The following TRPM2 variants were observed in gnomAD, a reference collection of about 807,000 sequenced individuals.
The protein encoded by TRPM2 is estrogen-responsive element-associated gene 1 protein.
TRPM2 carries 161 observed loss-of-function variants against 174.0 expected under a neutral mutation model. The ratio of observed to expected loss-of-function variants is 0.93; its 90% CI spans 0.81 to 1.05. The LOEUF is 1.05. Ranked by LOEUF, TRPM2 falls within the 50% of genes least tolerant of loss-of-function variation. The pLI is 0.00. For missense variants in TRPM2, 2,057 were observed against 2,038.0 expected (o/e 1.01, Z -0.18); for synonymous variants, 954 against 861.3 (o/e 1.11, Z -1.88).
Position 44,432,427 on chromosome 21 carries a change from C to T in TRPM2, c.3975-2704C>T, listed in dbSNP as rs577305474. Among the ~76,000 whole-genome samples the T allele has an allele frequency of 6.6e-6, 1 of 152,274 alleles. No homozygotes were observed. The highest frequency in any genetic ancestry group is 1.9e-4 in the East Asian group (1 of 5,196). On this transcript the variant is annotated intron_variant, in intron 27 of 31. Coordinates refer to ENST00000397928, the MANE Select transcript of TRPM2 (RefSeq NM_003307.4). The surrounding 1 kb of genome is among the most constrained non-coding windows in gnomAD (Gnocchi z 4.9). ...TAGGGCCAACCCTATTCCAGTGTAG[C>T]TTCATCTTAACTAATTACACCTGCA...
In TRPM2 at chr21:44,430,570, C is replaced by T. The variant is rs1455143949; in HGVS notation, c.3974+3459C>T. ...TCAGCCTCCCGAGTAGCTGGGACTA[C>T]AGGCGCCCGCCACCGCGCCCGGCTA... On this transcript the variant is annotated intron_variant, in intron 27 of 31. Transcript: ENST00000397928. 4.3e-4 allele frequency among the ~76,000 whole-genome samples: 22 copies of T among 51,160 alleles called. 10 individuals carry two copies. The highest frequency in any genetic ancestry group is 5.9e-4 in the Non-Finnish European group (15 of 25,346). 33.6% of individuals were successfully genotyped at this position (51,160 alleles called of 152,430 possible).
chr21:44,392,021 G>A (rs2049192905), intron 11 of TRPM2, among the ~76,000 whole-genome samples: 1 of 152,104 alleles, frequency 6.6e-6, no homozygotes, highest in South Asian at 2.1e-4. Context: ...CTGGAGTGCA[G>A]TGGCGTGATC....
At chr21:44,353,029 G>A (rs186374722), upstream of TRPM2, among the ~76,000 whole-genome samples, 3 of 152,274 alleles carry the variant, frequency 2.0e-5, no homozygotes, top group Non-Finnish European at 4.4e-5. Context: ...GGTGATTGGC[G>A]CCCATAATCC....
intron 8 of TRPM2, among the ~76,000 whole-genome samples, chr21:44,380,396 T>C (rs45536135): frequency 0.033 from 5,024 of 152,264 alleles, 247 homozygotes; most frequent in African/African-American, 0.1. Flanking sequence ...CCCGGTGCCA[T>C]TGGGACTTGT....
chr21:44,395,283 G>A, intron 11 of TRPM2, 131 bp from the exon 12 acceptor site: 1 of 1,127,630 alleles, frequency 8.9e-7, no homozygotes, highest in South Asian at 1.6e-5. Context: ...AATGCAGGTT[G>A]TAGTTCTCCA....
rs1444531855 is a variant in TRPM2, at chr21:44,366,366, G to T, written c.424-388G>T. On this transcript the variant is annotated intron_variant, in intron 3 of 31. Transcript: ENST00000397928. This position sits in a 1 kb window ranked among gnomAD's most constrained non-coding sequence, Gnocchi z 6.0. The stretch of plus-strand genomic sequence containing the variant: ...AGGACAGAAGGGCAGAGACCCCGGT[G>T]CAGGAGCTGATTAGACCCGGGGGAG... Among the ~76,000 whole-genome samples the T allele has an allele frequency of 6.6e-6, 1 of 152,056 alleles. No homozygotes were observed. Among genetic ancestry groups the T allele is most frequent in the Non-Finnish European group, 1.5e-5 (1 of 68,020 alleles).
At chr21:44,434,654 C>T (rs2051165427) in intron 27 of TRPM2, among the ~76,000 whole-genome samples, 1 of 152,108 alleles carries the variant, frequency 6.6e-6, no homozygotes, top group African/African-American at 2.4e-5. Context: ...GGTTAGCACA[C>T]TCTGCTGGGG....
At chr21:44,365,756 G>A (rs2048340268) in intron 3 of TRPM2, among the ~76,000 whole-genome samples, 1 of 152,176 alleles carries the variant, frequency 6.6e-6, no homozygotes, top group Non-Finnish European at 1.5e-5. Flanking sequence ...GCCTGACAGT[G>A]AGGGACGCCA....
chr21:44,365,072 G>A (rs139011302), intron 3 of TRPM2, among the ~76,000 whole-genome samples: 5 of 152,118 alleles, frequency 3.3e-5, no homozygotes, highest in Admixed American at 6.5e-5. Flanking sequence ...TCTGAGACTC[G>A]CGTGTTGACC....
intron 2 of TRPM2, among the ~76,000 whole-genome samples, chr21:44,359,181 G>T (rs1235867656): frequency 6.6e-6 from 1 of 151,346 alleles, no homozygotes; most frequent in Admixed American, 6.6e-5. Context: ...AGCATGGCTT[G>T]GTCCATTTTA....
intron 2 of TRPM2, among the ~76,000 whole-genome samples, chr21:44,355,110 A>G (rs1385541782): frequency 6.6e-6 from 1 of 152,206 alleles, no homozygotes; most frequent in East Asian, 1.9e-4. Context: ...AGGAACTGGA[A>G]GGGCCTTAGG....
rs1475886288 is a variant in TRPM2 at position 44,423,626 on chromosome 21, C to A, written c.3462-19C>A. On this transcript the variant is annotated intron_variant, in intron 22 of 31. Transcript: ENST00000397928. Reference sequence around the variant, plus strand: ...CCCAAGGTGTGGTGTGCGTCCAGCTCAGCTGCTTCCTCTTTCAGGGTTGAC... The same window carrying A: ...CCCAAGGTGTGGTGTGCGTCCAGCTAAGCTGCTTCCTCTTTCAGGGTTGAC... The A allele has an allele frequency of 6.2e-7, 1 of 1,607,168 alleles. No homozygotes were observed. The highest frequency in any genetic ancestry group is 8.5e-7 in the Non-Finnish European group (1 of 1,177,386).
At chr21:44,373,747 A>G (rs541272871) in intron 5 of TRPM2, among the ~76,000 whole-genome samples, 22 of 152,174 alleles carry the variant, frequency 1.4e-4, no homozygotes, top group Non-Finnish European at 2.9e-4. Flanking sequence ...CAGCAAGAAA[A>G]AAAAGCCAGG....
intron 27 of TRPM2, 115 bp downstream of exon 27, chr21:44,427,226 A>G: frequency 1.1e-6 from 1 of 881,634 alleles, no homozygotes; most frequent in Non-Finnish European, 1.7e-6. Context: ...CAAAAAAAGC[A>G]CGTGAGCCAC....
intron 30 of TRPM2, among the ~76,000 whole-genome samples, chr21:44,440,209 C>T (rs2051443703): frequency 1.4e-5 from 2 of 138,286 alleles, no homozygotes; most frequent in Admixed American, 8.2e-5. Flanking sequence ...TGATGGCGCA[C>T]ACCTGTAATC....
At chr21:44,426,936 G>C in intron 26 of TRPM2, 74 bp from the exon 27 acceptor site, 4 of 1,467,954 alleles carry the variant, frequency 2.7e-6, no homozygotes, top group South Asian at 1.3e-5. Context: ...TGGTGGGGGG[G>C]TGATCCCTCT....
At chr21:44,425,037 T>G in intron 24 of TRPM2, 98 bp downstream of exon 24, 190 of 1,080,782 alleles carry the variant, frequency 1.8e-4, no homozygotes, top group Middle Eastern at 6.2e-4. Flanking sequence ...TGGGGGGCTC[T>G]GTCCAGGAGG....
chr21:44,427,436 G>A (rs553871917), intron 27 of TRPM2, among the ~76,000 whole-genome samples: 6 of 152,330 alleles, frequency 3.9e-5, no homozygotes, highest in Admixed American at 3.3e-4. Context: ...GGGGCTGTGC[G>A]GCAGGGAGGG....
intron 9 of TRPM2, among the ~76,000 whole-genome samples, chr21:44,386,936 T>G (rs1013124548): frequency 6.6e-6 from 1 of 152,172 alleles, no homozygotes; most frequent in Non-Finnish European, 1.5e-5. Flanking sequence ...ATGCCTGTAA[T>G]CCCAGCACTT....
Sources: allele counts gnomAD v4.1 joint callset (sites outside exome capture counted in the v4.1 genomes callset), GRCh38; gene constraint gnomAD v4.1.1; non-coding constraint Gnocchi (gnomAD v3.1); transcripts MANE v1.5; gene names NCBI Gene and HGNC (gene_info 2026-07-23, HGNC 2026-07-21).